The following CDH13 variants were observed in gnomAD, a reference collection of about 807,000 sequenced individuals.
The protein encoded by CDH13 is cadherin 13.
A neutral mutation model predicts 63.8 loss-of-function variants in CDH13; 24 were observed. The ratio of observed to expected loss-of-function variants is 0.38; its 90% CI spans 0.27 to 0.53. The LOEUF (loss-of-function observed/expected upper bound fraction) is 0.53, where lower values mean the gene tolerates loss of function less well. Among genes scored for constraint, CDH13 ranks in the 20% least tolerant of loss-of-function variants. The pLI, the probability that CDH13 is intolerant of heterozygous loss-of-function variation, is 0.85. For synonymous variants in CDH13, 503 were observed against 355.3 expected (o/e 1.42, Z -4.67); for missense variants, 1,049 against 903.1 (o/e 1.16, Z -2.07).
chr16:82,633,648 AT>A (rs1222799663), intron 1 of CDH13, among the ~76,000 whole-genome samples: 1 of 152,172 alleles, frequency 6.6e-6, no homozygotes, highest in East Asian at 1.9e-4. Flanking sequence ...AAGTGCTGGG[AT>A]AAACAGACGT....
Position 82,691,480 on chromosome 16 carries a change from C to G in CDH13, c.45+64343C>G, listed in dbSNP as rs562800575. On this transcript the variant is annotated intron_variant, in intron 1 of 13. Transcript: ENST00000567109. ...TGGTGGGACAATTCTGAGGCCTGTG[C>G]CATTAACTTCGGCAGTACCTTACTC... is the stretch of plus-strand genomic sequence containing the variant. Among the ~76,000 whole-genome samples, 22 of 152,256 alleles carry G rather than the reference C, an allele frequency of 1.4e-4. No individual in the cohort carries two copies. The South Asian group carries it at 4.4e-3, about 30-fold the overall frequency.
intron 7 of CDH13, among the ~76,000 whole-genome samples, chr16:83,582,200 C>G (rs1905678422): frequency 6.6e-6 from 1 of 152,166 alleles, no homozygotes; most frequent in African/African-American, 2.4e-5. Flanking sequence ...GCTGATCAGA[C>G]TACTTCTGCA....
At chr16:83,342,257 T>C (rs1291039788) in intron 5 of CDH13, among the ~76,000 whole-genome samples, 2 of 152,328 alleles carry the variant, frequency 1.3e-5, no homozygotes, top group Non-Finnish European at 2.9e-5. Context: ...CTCATATCCT[T>C]CATAGCCCTC....
chr16:82,685,875 C>G (rs552124178), intron 1 of CDH13, among the ~76,000 whole-genome samples: 8 of 152,336 alleles, frequency 5.3e-5, no homozygotes, highest in Admixed American at 2.6e-4. Flanking sequence ...AGACAGTCCT[C>G]TTTTTGATAC....
chr16:83,378,366 G>A (rs1007103939), intron 6 of CDH13, among the ~76,000 whole-genome samples: 1 of 152,158 alleles, frequency 6.6e-6, no homozygotes, highest in Non-Finnish European at 1.5e-5. Context: ...TTCTTGGAGA[G>A]GTGCCCTGAG....
intron 7 of CDH13, among the ~76,000 whole-genome samples, chr16:83,578,033 G>A (rs1356323602): frequency 6.6e-6 from 1 of 152,130 alleles, no homozygotes; most frequent in Non-Finnish European, 1.5e-5. Context: ...CATTTTCCAT[G>A]TCATTAAATA....
chr16:83,665,621 C>G (rs923289454), intron 8 of CDH13, among the ~76,000 whole-genome samples: 8 of 152,202 alleles, frequency 5.3e-5, no homozygotes, highest in Non-Finnish European at 1.0e-4. Context: ...CCCAGCTTTT[C>G]AAGTTCCATA....
At chr16:83,277,014 A>G (rs559751778) in intron 5 of CDH13, among the ~76,000 whole-genome samples, 11 of 152,172 alleles carry the variant, frequency 7.2e-5, no homozygotes, top group Non-Finnish European at 1.2e-4. Context: ...ACCTGCCCCC[A>G]TAATACAATT....
intron 2 of CDH13, among the ~76,000 whole-genome samples, chr16:82,978,085 T>G (rs1909769876): frequency 6.6e-6 from 1 of 152,130 alleles, no homozygotes; most frequent in African/African-American, 2.4e-5. Context: ...TCTCTGGCAC[T>G]TTGAACTGGA....
chr16:83,187,889 G>C (rs938745286), intron 4 of CDH13, among the ~76,000 whole-genome samples: 1 of 152,160 alleles, frequency 6.6e-6, no homozygotes, highest in Admixed American at 6.5e-5. Flanking sequence ...GAGGCCCTCA[G>C]TGAGAACTGA....
chr16:82,771,574 G>A (rs1398856208), intron 1 of CDH13, among the ~76,000 whole-genome samples: 1 of 152,206 alleles, frequency 6.6e-6, no homozygotes, highest in Non-Finnish European at 1.5e-5. Context: ...GAGAAACGGA[G>A]GCTCGGAGAG....
rs2042550055 is a variant in CDH13 at position 82,933,068 on chromosome 16, T to A, written c.157+74595T>A. Among the ~76,000 whole-genome samples the A allele has an allele frequency of 2.0e-5, 3 of 152,164 alleles. No homozygotes were observed. In the South Asian group the frequency reaches 6.2e-4, roughly 32 times the overall value. ...TGAGAAAGGGGTTTGCATGAATCTT[T>A]AGGAAGGCTGAATCAAATGATTCAG... is the stretch of plus-strand genomic sequence containing the variant. On this transcript the variant is annotated intron_variant, in intron 2 of 13. Coordinates refer to ENST00000567109, the MANE Select transcript of CDH13 (RefSeq NM_001257.5).
At chr16:83,175,658 T>G (rs2151735741) in intron 4 of CDH13, among the ~76,000 whole-genome samples, 1 of 144,004 alleles carries the variant, frequency 6.9e-6, no homozygotes, top group East Asian at 2.0e-4. Context: ...AAAATGCAGA[T>G]AAGTTAAAAC....
At chr16:82,859,584 A>T (rs2039849101) in intron 2 of CDH13, 1 of 152,144 alleles carries the variant, frequency 6.6e-6, no homozygotes, top group South Asian at 2.1e-4. Flanking sequence ...AAAGAAGAAG[A>T]AGAAAATTAA....
At chr16:82,846,845 C>T (rs1234126718) in intron 1 of CDH13, among the ~76,000 whole-genome samples, 2 of 151,822 alleles carry the variant, frequency 1.3e-5, no homozygotes, top group African/African-American at 4.8e-5. Context: ...AATGGCAGAT[C>T]AAAATGTCCC....
At chr16:82,997,304 G>C (rs772604273) in intron 2 of CDH13, among the ~76,000 whole-genome samples, 1 of 152,158 alleles carries the variant, frequency 6.6e-6, no homozygotes, top group Non-Finnish European at 1.5e-5. Flanking sequence ...AACTCACAGT[G>C]CTCAGTATTG....
intron 8 of CDH13, among the ~76,000 whole-genome samples, chr16:83,652,595 T>C (rs930206964): frequency 6.6e-6 from 1 of 152,158 alleles, no homozygotes; most frequent in African/African-American, 2.4e-5. Flanking sequence ...TGGCCCCTCA[T>C]GCCATTCACA....
chr16:82,633,753 TA>T (rs1404614854), intron 1 of CDH13, among the ~76,000 whole-genome samples: 2 of 152,184 alleles, frequency 1.3e-5, no homozygotes. Context: ...ATATCTGTTT[TA>T]ACAGTTAACA....
chr16:83,209,045 G>T (rs2039260823), intron 4 of CDH13, among the ~76,000 whole-genome samples: 1 of 152,102 alleles, frequency 6.6e-6, no homozygotes, highest in Admixed American at 6.5e-5. Context: ...ACTCCAGTGG[G>T]GGTGGCAGCA....
Sources: allele counts gnomAD v4.1 joint callset (sites outside exome capture counted in the v4.1 genomes callset), GRCh38; gene constraint gnomAD v4.1.1; transcripts MANE v1.5; gene names NCBI Gene and HGNC (gene_info 2026-07-23, HGNC 2026-07-21).